The following CSGALNACT1 variants were observed in gnomAD, a reference collection of about 807,000 sequenced individuals.
CSGALNACT1 encodes beta4GalNAcT-1.
Under a neutral mutation model 51.0 loss-of-function variants are expected in CSGALNACT1, and 52 were observed. That is an observed-to-expected ratio of 1.02 (90% CI 0.82 to 1.29). The LOEUF (loss-of-function observed/expected upper bound fraction) is 1.29, where lower values mean the gene tolerates loss of function less well. Ranked by LOEUF, CSGALNACT1 falls within the 50% of genes most tolerant of loss-of-function variation. The probability of loss-of-function intolerance (pLI) is 0.00; values close to 1 mark genes in which losing one functional copy is unlikely to be tolerated. For synonymous variants in CSGALNACT1, 341 were observed against 254.4 expected (o/e 1.34, Z -3.24); for missense variants, 935 against 679.2 (o/e 1.38, Z -4.19).
chr8:19,555,893 A>T (rs964033426), intron 3 of CSGALNACT1, among the ~76,000 whole-genome samples: 7 of 152,164 alleles, frequency 4.6e-5, no homozygotes, highest in African/African-American at 1.7e-4. Flanking sequence ...CCCCTTGGTA[A>T]CTCAGCACAG....
In CSGALNACT1 at chr8:19,420,657, T is replaced by G. The variant is rs113021091; in HGVS notation, c.954-139A>C. On this transcript the variant is annotated intron_variant, in intron 6 of 9. Transcript: ENST00000454498. ...AGGGCACTGGGACTCCCCAAGAAGT[T>G]ACAGAACGGCCCAGACTCACAGGAT... is the stretch of plus-strand genomic sequence containing the variant. 2.2e-3 allele frequency: 1,986 copies of G among 886,194 alleles called. 32 individuals are homozygous for G. In the African/African-American group the frequency reaches 0.029, roughly 13 times the overall value. 54.9% of individuals were successfully genotyped at this position (886,194 alleles called of 1,614,324 possible).
intron 1 of CSGALNACT1, among the ~76,000 whole-genome samples, chr8:19,702,128 T>C (rs2061913895): frequency 6.6e-6 from 1 of 152,108 alleles, no homozygotes; most frequent in Non-Finnish European, 1.5e-5. Context: ...TTCTGATCCC[T>C]CCTCTTCACC....
upstream of CSGALNACT1, among the ~76,000 whole-genome samples, chr8:19,604,068 T>C (rs1564236202): frequency 6.6e-6 from 1 of 152,228 alleles, no homozygotes; most frequent in Non-Finnish European, 1.5e-5. Context: ...AAGTCTGCTC[T>C]TCAGCTCTGG....
At position 19,453,008 on chromosome 8, in the gene CSGALNACT1, CAAA is replaced by C. The variant is rs2063470965; in HGVS notation, c.851+5415_851+5417del. Among the ~76,000 whole-genome samples the C allele has an allele frequency of 5.3e-5, 8 of 152,210 alleles. No homozygotes were observed. The South Asian group carries it at 1.5e-3, about 28-fold the overall frequency. On this transcript the variant is annotated intron_variant, in intron 5 of 9. Transcript: ENST00000454498. ...AGGAGAGAGCCAAGGAGAATCCACC[CAAA>C]CTATGTTCGAGCAAACAGAAGGCTG...
chr8:19,458,973 G>A (rs1331743770), intron 4 of CSGALNACT1, among the ~76,000 whole-genome samples: 2 of 152,100 alleles, frequency 1.3e-5, no homozygotes, highest in South Asian at 4.1e-4. Context: ...GATATAGAGT[G>A]GGATTATGTG....
intron 8 of CSGALNACT1, among the ~76,000 whole-genome samples, chr8:19,411,508 G>A (rs1048573672): frequency 6.6e-5 from 10 of 152,180 alleles, no homozygotes; most frequent in Non-Finnish European, 8.8e-5. Flanking sequence ...AAACAGACAC[G>A]TTGCAAGATG....
exon 10 of CSGALNACT1, chr8:19,404,736 G>A (rs1329663088): frequency 2.2e-6 from 1 of 454,350 alleles, no homozygotes; most frequent in Non-Finnish European, 4.4e-6. Context: ...AGGTAAGAAA[G>A]CGGTCCCTAC....
intron 3 of CSGALNACT1, among the ~76,000 whole-genome samples, chr8:19,508,531 C>G (rs187959105): frequency 5.9e-5 from 9 of 152,320 alleles, no homozygotes; most frequent in African/African-American, 1.9e-4. Context: ...TGATTGAAAA[C>G]AGCTCAGCTT....
At chr8:19,720,008 CT>C (rs2063028451) in intron 1 of CSGALNACT1, among the ~76,000 whole-genome samples, 2 of 152,174 alleles carry the variant, frequency 1.3e-5, no homozygotes, top group African/African-American at 4.8e-5. Flanking sequence ...TTTGACCTCA[CT>C]TTTTGCCCTT....
intron 1 of CSGALNACT1, among the ~76,000 whole-genome samples, chr8:19,753,803 T>G (rs975713371): frequency 6.6e-6 from 1 of 152,238 alleles, no homozygotes; most frequent in East Asian, 1.9e-4. Flanking sequence ...TTTGTTTATA[T>G]ACATTGTCAG....
intron 2 of CSGALNACT1, among the ~76,000 whole-genome samples, chr8:19,596,138 G>C (rs2048847935): frequency 6.6e-6 from 1 of 152,094 alleles, no homozygotes; most frequent in African/African-American, 2.4e-5. Flanking sequence ...AGAGTGTTGA[G>C]ATTATAGGTG....
upstream of CSGALNACT1, chr8:19,682,885 C>A: frequency 2.7e-6 from 1 of 366,160 alleles, no homozygotes; most frequent in Non-Finnish European, 5.5e-6. Context: ...AACTGCAGAC[C>A]GCTGTCAAGC....
At chr8:19,515,269 C>T (rs796893170) in intron 3 of CSGALNACT1, among the ~76,000 whole-genome samples, 3 of 152,294 alleles carry the variant, frequency 2.0e-5, no homozygotes, top group African/African-American at 7.2e-5. Context: ...TGCCGGGACT[C>T]CACCCACAAC....
intron 1 of CSGALNACT1, among the ~76,000 whole-genome samples, chr8:19,615,121 T>C (rs1192527153): frequency 6.6e-6 from 1 of 152,184 alleles, no homozygotes; most frequent in Non-Finnish European, 1.5e-5. Context: ...CTGGTCAACA[T>C]GGTGAAACCC....
At chr8:19,650,484 T>G (rs1289110529) in intron 1 of CSGALNACT1, among the ~76,000 whole-genome samples, 2 of 152,190 alleles carry the variant, frequency 1.3e-5, no homozygotes, top group African/African-American at 4.8e-5. Context: ...TGAGCAATAG[T>G]GAAGCTCTTA....
At chr8:19,503,628 A>G (rs2076794349) in intron 4 of CSGALNACT1, among the ~76,000 whole-genome samples, 2 of 152,060 alleles carry the variant, frequency 1.3e-5, no homozygotes, top group Admixed American at 6.6e-5. Flanking sequence ...AAACTAATAC[A>G]TGTGGAAATG....
intron 1 of CSGALNACT1, among the ~76,000 whole-genome samples, chr8:19,739,203 T>C (rs1049756558): frequency 5.9e-5 from 9 of 151,950 alleles, no homozygotes; most frequent in African/African-American, 1.9e-4. Flanking sequence ...TTCTGGCCAC[T>C]TGTAGGTAAC....
intron 1 of CSGALNACT1, among the ~76,000 whole-genome samples, chr8:19,677,441 T>C (rs539583553): frequency 6.6e-6 from 1 of 152,292 alleles, no homozygotes; most frequent in East Asian, 1.9e-4. Context: ...GAAAGATATT[T>C]CTGTATGCTG....
At chr8:19,746,291 C>A (rs2064657525) in intron 1 of CSGALNACT1, among the ~76,000 whole-genome samples, 1 of 152,026 alleles carries the variant, frequency 6.6e-6, no homozygotes, top group South Asian at 2.1e-4. Flanking sequence ...AGCACAATGC[C>A]AGGCATACAG....
Sources: gnomAD v4.1 joint callset for allele counts (sites outside exome capture counted in the v4.1 genomes callset) on GRCh38, gnomAD v4.1.1 for gene constraint, MANE v1.5 for transcripts, NCBI Gene and HGNC (gene_info 2026-07-23, HGNC 2026-07-21) for gene names.